ADAM29: variants seen among roughly 807,000 people sequenced by gnomAD.
ADAM29 encodes ADAM metallopeptidase domain 29, also known as disintegrin and metalloproteinase domain-containing protein 29.
For synonymous variants in ADAM29, 367 were observed against 342.3 expected (o/e 1.07, Z -0.80); for missense variants, 969 against 1,001.8 (o/e 0.97, Z 0.44).
At position 174,930,073 on chromosome 4, in the gene ADAM29, C is replaced by T. The variant is rs187439807; in HGVS notation, c.-450-913C>T. 3.8e-3 allele frequency among the ~76,000 whole-genome samples: 576 copies of T among 152,164 alleles called. 2 individuals carry two copies. The highest frequency in any genetic ancestry group is 6.1e-3 in the Non-Finnish European group (418 of 67,974). On this transcript the variant is annotated intron_variant, in intron 2 of 4. Coordinates refer to ENST00000359240, the MANE Select transcript of ADAM29 (RefSeq NM_014269.4). ...CCTCCCGAGTAGCTGGGACTACAGG[C>T]GCCTGCCACCATGCCCGGCTCATTT...
chr4:174,975,662 T>C lies in ADAM29; in HGVS notation c.137T>C (p.Met46Thr), dbSNP rs760602256. ...PVRITGTTRG[M>T]TPPGWLSYIL... is the part of the protein sequence containing the mutation. ...AGGATAACTGGCACCACCAGAGGCA[T>C]GACACCTCCAGGCTGGCTCTCCTAT... Residue 46 changes from methionine (M) to threonine (T), a missense_variant, in exon 5 of 5, where the codon ATG (methionine) becomes ACG (threonine). Met to Thr is a moderately conservative substitution (Grantham distance 81, BLOSUM62 -1). Transcript: ENST00000359240. 7 of 1,613,214 alleles carry C rather than the reference T, an allele frequency of 4.3e-6. No individual in the cohort carries two copies. The highest frequency in any genetic ancestry group is 5.9e-6 in the Non-Finnish European group (7 of 1,179,604).
At chr4:174,956,692 A>G (rs1026028362) in intron 4 of ADAM29, among the ~76,000 whole-genome samples, 4 of 151,804 alleles carry the variant, frequency 2.6e-5, no homozygotes, top group Admixed American at 6.6e-5. Flanking sequence ...AGCATGCTTC[A>G]TGTGTTAACT....
intron 3 of ADAM29, among the ~76,000 whole-genome samples, chr4:174,935,194 T>A (rs1013435311): frequency 3.9e-5 from 6 of 152,172 alleles, no homozygotes; most frequent in African/African-American, 1.4e-4. Context: ...CTCTCTGTTG[T>A]CAGTTCTCAA....
intron 4 of ADAM29, among the ~76,000 whole-genome samples, chr4:174,964,575 C>T (rs1746043586): frequency 6.6e-6 from 1 of 151,862 alleles, no homozygotes; most frequent in South Asian, 2.1e-4. Flanking sequence ...TCTTAGGAGA[C>T]CATAATCTAT....
chr4:174,957,471 C>T (rs934180046), intron 4 of ADAM29, among the ~76,000 whole-genome samples: 5 of 151,730 alleles, frequency 3.3e-5, no homozygotes, highest in Admixed American at 3.3e-4. Flanking sequence ...TGTTCCTCTG[C>T]CCTAAAACTT....
intron 2 of ADAM29, among the ~76,000 whole-genome samples, chr4:174,926,180 G>A (rs1192966366): frequency 1.3e-5 from 2 of 151,934 alleles, no homozygotes; most frequent in African/African-American, 2.4e-5. Flanking sequence ...CTGGTTTATC[G>A]TATTTAACTT....
At chr4:174,958,188 T>C (rs1295703153) in intron 4 of ADAM29, among the ~76,000 whole-genome samples, 3 of 151,698 alleles carry the variant, frequency 2.0e-5, no homozygotes, top group South Asian at 2.1e-4. Context: ...ATACTGCTCT[T>C]CATTTCAACC....
At chr4:174,957,378 C>T (rs1195554721) in intron 4 of ADAM29, among the ~76,000 whole-genome samples, 1 of 151,850 alleles carries the variant, frequency 6.6e-6, no homozygotes, top group Non-Finnish European at 1.5e-5. Flanking sequence ...TATCTCTTCA[C>T]CCACTGACCT....
chr4:174,963,236 G>A (rs1476994553), intron 4 of ADAM29, among the ~76,000 whole-genome samples: 1 of 152,126 alleles, frequency 6.6e-6, no homozygotes, highest in Admixed American at 6.6e-5. Flanking sequence ...GGACAAATCT[G>A]GACTGTAAGA....
At chr4:174,965,598 C>T (rs576547963) in intron 4 of ADAM29, among the ~76,000 whole-genome samples, 30 of 152,046 alleles carry the variant, frequency 2.0e-4, no homozygotes, top group African/African-American at 5.3e-4. Context: ...AAGAAATTGG[C>T]TCATGTGATT....
At chr4:174,929,778 A>T (rs1273270816) in intron 2 of ADAM29, among the ~76,000 whole-genome samples, 3 of 146,862 alleles carry the variant, frequency 2.0e-5, no homozygotes, top group African/African-American at 7.6e-5. Flanking sequence ...TTCAGTTGAG[A>T]CAGACTCTCA....
At chr4:174,974,891 T>C (rs1238386784) in intron 4 of ADAM29, among the ~76,000 whole-genome samples, 1 of 152,176 alleles carries the variant, frequency 6.6e-6, no homozygotes, top group African/African-American at 2.4e-5. Context: ...TTTTTAAAAA[T>C]GTCTCTTAGA....
rs539658098 is a variant in ADAM29, at chr4:174,955,289, C to T, written c.-181+18276C>T. Among the ~76,000 whole-genome samples, 11 of 152,060 alleles carry T rather than the reference C, an allele frequency of 7.2e-5. No individual in the cohort carries two copies. The South Asian group carries it at 2.3e-3, about 32-fold the overall frequency. ...GGAAAGGAGAAGAAAACAACCCCTACTCCTGACCTAGAATAATTCATATCC... is the reference window on the plus strand; with the variant it reads ...GGAAAGGAGAAGAAAACAACCCCTATTCCTGACCTAGAATAATTCATATCC... On this transcript the variant is annotated intron_variant, in intron 4 of 4. Coordinates refer to ENST00000359240, the MANE Select transcript of ADAM29 (RefSeq NM_014269.4).
At position 174,976,427 on chromosome 4, in the gene ADAM29, G is replaced by A. The variant is rs376197978; in HGVS notation, c.902G>A (p.Gly301Glu). ...GGATTAAGAGGGTTAAGTGGCATAG[G>A]AGCTTTTAGAGGAATGTGTACACCA... ...TLGLRGLSGIGAFRGMCTPHR... is the reference protein window; with the variant it reads ...TLGLRGLSGIEAFRGMCTPHR... The change falls in exon 5 of 5, where the codon GGA becomes GAA. Residue 301 changes from glycine (G) to glutamate (E), a missense_variant. Transcript: ENST00000359240. 1 of 1,598,298 alleles carries A rather than the reference G, an allele frequency of 6.3e-7. No individual in the cohort carries two copies. Among genetic ancestry groups the A allele is most frequent in the African/African-American group, 1.3e-5 (1 of 74,294 alleles).
intron 3 of ADAM29, among the ~76,000 whole-genome samples, chr4:174,932,159 TAC>T: frequency 6.6e-6 from 1 of 151,970 alleles, no homozygotes; most frequent in Non-Finnish European, 1.5e-5. Flanking sequence ...TGGTGGCACA[TAC>T]CCGTAATCCC....
chr4:174,926,758 A>T (rs62334415), intron 2 of ADAM29, among the ~76,000 whole-genome samples: 1 of 151,416 alleles, frequency 6.6e-6, no homozygotes, highest in Non-Finnish European at 1.5e-5. Flanking sequence ...ACAACAAAAC[A>T]TAACACTGTT....
chr4:174,959,212 G>A (rs1415200893), intron 4 of ADAM29, among the ~76,000 whole-genome samples: 2 of 151,554 alleles, frequency 1.3e-5, no homozygotes, highest in Non-Finnish European at 3.0e-5. Context: ...CTTTATTTTT[G>A]AAGAATGATT....
At chr4:174,940,774 T>A (rs1030600968) in intron 4 of ADAM29, among the ~76,000 whole-genome samples, 1 of 152,136 alleles carries the variant, frequency 6.6e-6, no homozygotes, top group Non-Finnish European at 1.5e-5. Flanking sequence ...TTCAGCATGG[T>A]CATGATTATA....
intron 1 of ADAM29, among the ~76,000 whole-genome samples, chr4:174,919,685 A>C (rs548071235): frequency 1.3e-5 from 2 of 152,238 alleles, no homozygotes; most frequent in Admixed American, 1.3e-4. Context: ...CTAGCTAGAG[A>C]TTCTTTTGCT....
Sources: gnomAD v4.1 joint callset for allele counts (sites outside exome capture counted in the v4.1 genomes callset) on GRCh38, gnomAD v4.1.1 for gene constraint, MANE v1.5 for transcripts, NCBI Gene and HGNC (gene_info 2026-07-23, HGNC 2026-07-21) for gene names.